Variants in FBXL5 observed in about 807,000 individuals in gnomAD.
FBXL5 encodes F-box and leucine rich repeat protein 5.
Under a neutral mutation model 78.3 loss-of-function variants are expected in FBXL5, and 26 were observed. That is an observed-to-expected ratio of 0.33 (90% CI 0.24 to 0.46). The LOEUF (loss-of-function observed/expected upper bound fraction) is 0.46. Among genes scored for constraint, FBXL5 ranks in the 20% least tolerant of loss-of-function variants. FBXL5 has a pLI of 1.00. For missense variants in FBXL5, 710 were observed against 829.2 expected, an observed-to-expected ratio of 0.86 and a Z score of 1.77; for synonymous variants, 295 against 282.5, an observed-to-expected ratio of 1.04 and a Z score of -0.45.
At chr4:15,662,131 G>A (rs1373979472), upstream of FBXL5, among the ~76,000 whole-genome samples, 2 of 150,524 alleles carry the variant, frequency 1.3e-5, no homozygotes, top group Non-Finnish European at 3.0e-5. Flanking sequence ...AACAACCCCA[G>A]TACAGTGTGG....
chr4:15,646,159 T>C (rs540751658), intron 1 of FBXL5, among the ~76,000 whole-genome samples: 6 of 152,354 alleles, frequency 3.9e-5, no homozygotes, highest in Admixed American at 2.6e-4. Flanking sequence ...AAAGTAGTCA[T>C]AGACAACATG....
chr4:15,667,906 TG>T (rs1279277790), intron 1 of FBXL5, among the ~76,000 whole-genome samples: 1 of 152,050 alleles, frequency 6.6e-6, no homozygotes, highest in Non-Finnish European at 1.5e-5. Flanking sequence ...CCAGGCGTGG[TG>T]GCGGGTGCCT....
chr4:15,629,592 GC>G (rs777294817), intron 6 of FBXL5, among the ~76,000 whole-genome samples: 11 of 151,832 alleles, frequency 7.2e-5, no homozygotes, highest in Non-Finnish European at 1.6e-4. Context: ...GTTTTGTTTT[GC>G]TTTTTTCCAT....
intron 3 of FBXL5, among the ~76,000 whole-genome samples, chr4:15,640,267 C>T (rs1188423958): frequency 6.6e-6 from 1 of 151,502 alleles, no homozygotes; most frequent in Non-Finnish European, 1.5e-5. Flanking sequence ...GTCTTGAACT[C>T]GTGAGTTCAA....
intron 10 of FBXL5, 83 bp from the exon 11 acceptor site, chr4:15,605,882 T>G: frequency 4.1e-6 from 4 of 977,230 alleles, no homozygotes; most frequent in Non-Finnish European, 6.5e-6. Context: ...GAGTTAAACA[T>G]TCATTGGTTT....
At chr4:15,681,029 C>T (rs1718236634) in intron 1 of FBXL5, among the ~76,000 whole-genome samples, 1 of 150,942 alleles carries the variant, frequency 6.6e-6, no homozygotes, top group Non-Finnish European at 1.5e-5. Context: ...CTTATTTGCA[C>T]GAACCTATCT....
chr4:15,624,674 T>A (rs375894296), intron 9 of FBXL5, among the ~76,000 whole-genome samples: 1 of 149,732 alleles, frequency 6.7e-6, no homozygotes, highest in East Asian at 1.9e-4. Context: ...AAAGAAAATG[T>A]AGAACTTCTT....
Position 15,680,032 on chromosome 4 carries a change from T to C in FBXL5, c.-284+1351A>G, listed in dbSNP as rs148897867. On this transcript the variant is annotated intron_variant, in intron 1 of 4. Coordinates refer to the FBXL5 transcript ENST00000507899. ...GATTTACTGTATAAACTGGAGTATA[T>C]CTACAAAATGGAGTATGTGACAGGA... is the stretch of plus-strand genomic sequence containing the variant. Among the ~76,000 whole-genome samples the C allele has an allele frequency of 3.4e-3, 509 of 151,938 alleles. 1 individual carries two copies. The highest frequency in any genetic ancestry group is 5.4e-3 in the Non-Finnish European group (366 of 67,994).
chr4:15,618,600 G>A (rs936496322), intron 9 of FBXL5, among the ~76,000 whole-genome samples: 2 of 152,206 alleles, frequency 1.3e-5, no homozygotes, highest in Non-Finnish European at 1.5e-5. Context: ...CAGCACTTTG[G>A]GAGGCCAAGG....
intron 5 of FBXL5, among the ~76,000 whole-genome samples, chr4:15,635,901 T>C (rs1330879523): frequency 6.6e-6 from 1 of 152,110 alleles, no homozygotes; most frequent in African/African-American, 2.4e-5. Context: ...TGTTCACATG[T>C]GAAAGTAATT....
chr4:15,665,282 T>C (rs1045953492), intron 1 of FBXL5, among the ~76,000 whole-genome samples: 3 of 152,130 alleles, frequency 2.0e-5, no homozygotes, highest in African/African-American at 7.2e-5. Context: ...CCATATTTAC[T>C]TAGAGCCCCC....
intron 9 of FBXL5, among the ~76,000 whole-genome samples, chr4:15,621,193 A>C (rs1239542595): frequency 6.6e-6 from 1 of 152,148 alleles, no homozygotes; most frequent in Non-Finnish European, 1.5e-5. Flanking sequence ...AGATGGCACG[A>C]CCTTATATGT....
chr4:15,617,916 T>C (rs1172360206), intron 9 of FBXL5, among the ~76,000 whole-genome samples: 1 of 152,078 alleles, frequency 6.6e-6, no homozygotes, highest in African/African-American at 2.4e-5. Context: ...ATGGCACACG[T>C]TTACCTACGT....
At chr4:15,639,767 A>T (rs775802355) in intron 3 of FBXL5, among the ~76,000 whole-genome samples, 1 of 152,168 alleles carries the variant, frequency 6.6e-6, no homozygotes, top group Non-Finnish European at 1.5e-5. Flanking sequence ...TTTAACTCTG[A>T]TGTAATTTGT....
intron 1 of FBXL5, among the ~76,000 whole-genome samples, chr4:15,669,214 A>G (rs551767299): frequency 2.0e-5 from 3 of 152,322 alleles, no homozygotes; most frequent in African/African-American, 7.2e-5. Context: ...GATACAAACT[A>G]CATACTTTGG....
chr4:15,642,599 C>T (rs1050740981), intron 2 of FBXL5, among the ~76,000 whole-genome samples: 1 of 152,068 alleles, frequency 6.6e-6, no homozygotes, highest in Non-Finnish European at 1.5e-5. Flanking sequence ...TCTCTTTTTC[C>T]AGAACTAATT....
intron 1 of FBXL5, among the ~76,000 whole-genome samples, chr4:15,673,946 T>C (rs577814970): frequency 6.6e-6 from 1 of 152,368 alleles, no homozygotes; most frequent in South Asian, 2.1e-4. Flanking sequence ...CTGTCCTTCA[T>C]TGCCTGATAT....
At chr4:15,641,790 G>T (rs995145204) in intron 2 of FBXL5, among the ~76,000 whole-genome samples, 4 of 152,078 alleles carry the variant, frequency 2.6e-5, no homozygotes, top group African/African-American at 7.2e-5. Flanking sequence ...ACTTTGGGAC[G>T]CAGAGGCAGG....
At chr4:15,635,137 G>A (rs1714113438) in intron 5 of FBXL5, among the ~76,000 whole-genome samples, 1 of 152,014 alleles carries the variant, frequency 6.6e-6, no homozygotes, top group African/African-American at 2.4e-5. Flanking sequence ...TTCAAGACCA[G>A]CCTGACCAAC....
Sources: allele counts gnomAD v4.1 joint callset (sites outside exome capture counted in the v4.1 genomes callset), GRCh38; gene constraint gnomAD v4.1.1; transcripts MANE v1.5; gene names NCBI Gene and HGNC (gene_info 2026-07-23, HGNC 2026-07-21).